NCOA5: variants seen among roughly 807,000 people sequenced by gnomAD.
The protein encoded by NCOA5 is NCoA-5.
Under a neutral mutation model 59.0 loss-of-function variants are expected in NCOA5, and 12 were observed. The observed-to-expected ratio is 0.20, with a 90% CI of 0.13 to 0.33. The LOEUF (loss-of-function observed/expected upper bound fraction) is 0.33. Ranked by LOEUF, NCOA5 falls within the 10% of genes least tolerant of loss-of-function variation. NCOA5 has a pLI of 1.00. For synonymous variants in NCOA5, 270 were observed against 275.5 expected, an observed-to-expected ratio of 0.98 and a Z score of 0.20; for missense variants, 655 against 766.6, an observed-to-expected ratio of 0.85 and a Z score of 1.72.
At chr20:46,085,464 AGAG>A (rs1179578529) in intron 1 of NCOA5, among the ~76,000 whole-genome samples, 1 of 151,854 alleles carries the variant, frequency 6.6e-6, no homozygotes, top group African/African-American at 2.4e-5. Context: ...AACAGAGCAG[AGAG>A]GAGACTAGGA....
chr20:46,062,089 C>T lies in NCOA5; in HGVS notation c.*211G>A, dbSNP rs1330122391. 1 of 471,190 alleles carries T rather than the reference C, an allele frequency of 2.1e-6. No homozygotes were observed. Among genetic ancestry groups the T allele is most frequent in the Non-Finnish European group, 3.7e-6 (1 of 268,328 alleles). The allele number at this position is 471,190 out of a possible 1,614,324, so 29.2% of individuals were successfully genotyped here. Reference sequence around the variant, plus strand: ...TATTTATTTTCTACAAAACAAAAAACAAAAAAAGATACAGCCCCAAATGCA... The same window carrying T: ...TATTTATTTTCTACAAAACAAAAAATAAAAAAAGATACAGCCCCAAATGCA... On this transcript the variant is annotated 3_prime_UTR_variant, in exon 8 of 8. Coordinates refer to ENST00000290231, the MANE Select transcript of NCOA5 (RefSeq NM_020967.3).
At chr20:46,082,382 T>C (rs1012253154) in intron 1 of NCOA5, among the ~76,000 whole-genome samples, 5 of 152,092 alleles carry the variant, frequency 3.3e-5, no homozygotes, top group Non-Finnish European at 5.9e-5. Flanking sequence ...GAAAGACAAT[T>C]TGGAGATCTT....
At chr20:46,080,752 A>T (rs2084984052) in intron 1 of NCOA5, among the ~76,000 whole-genome samples, 3 of 152,128 alleles carry the variant, frequency 2.0e-5, no homozygotes, top group Admixed American at 2.0e-4. Flanking sequence ...AGTATATCTT[A>T]AATTGATTCT....
chr20:46,066,993 A>G (rs2145526334), intron 5 of NCOA5, 62 bp downstream of exon 5: 1 of 1,584,348 alleles, frequency 6.3e-7, no homozygotes. Flanking sequence ...GAGGTGCTAA[A>G]CAGGAGCCTG....
In NCOA5 at chr20:46,062,909, G is replaced by A; in HGVS notation, c.1151-20C>T. On this transcript the variant is annotated intron_variant, in intron 7 of 7. Transcript: ENST00000290231. ...TCGGGCCTGGAAGACAGAAGAGGGA[G>A]GTATCTGGTTCAAAGTACCCCCCAA... is the stretch of plus-strand genomic sequence containing the variant. 1.3e-6 allele frequency: 2 copies of A among 1,509,480 alleles called. No individual in the cohort carries two copies. The highest frequency in any genetic ancestry group is 1.8e-6 in the Non-Finnish European group (2 of 1,133,732). The allele number at this position is 1,509,480 out of a possible 1,614,324, so 93.5% of individuals were successfully genotyped here.
chr20:46,069,760 G>C (rs2084862336), intron 3 of NCOA5, among the ~76,000 whole-genome samples: 1 of 151,842 alleles, frequency 6.6e-6, no homozygotes, highest in South Asian at 2.1e-4. Context: ...CCATTAATCT[G>C]CTGATAGACA....
intron 5 of NCOA5, among the ~76,000 whole-genome samples, chr20:46,065,529 T>C (rs1287195769): frequency 1.3e-5 from 2 of 152,182 alleles, no homozygotes; most frequent in African/African-American, 4.8e-5. Flanking sequence ...GTGGCACTTA[T>C]CTCTTTTTGG....
At chr20:46,065,397 C>G (rs2084812831) in intron 5 of NCOA5, among the ~76,000 whole-genome samples, 169 bp from the exon 6 acceptor site, 1 of 152,162 alleles carries the variant, frequency 6.6e-6, no homozygotes, top group Non-Finnish European at 1.5e-5. Context: ...TGGCTCAGAA[C>G]GGTTGTGACT....
chr20:46,067,840 GC>G (rs914031770), intron 4 of NCOA5, among the ~76,000 whole-genome samples: 2 of 151,932 alleles, frequency 1.3e-5, no homozygotes, highest in Non-Finnish European at 2.9e-5. Flanking sequence ...AACCTATTTT[GC>G]CTAGATAATG....
intron 2 of NCOA5, among the ~76,000 whole-genome samples, chr20:46,073,099 G>A (rs1222181363): frequency 6.6e-6 from 1 of 152,202 alleles, no homozygotes; most frequent in African/African-American, 2.4e-5. Context: ...TAGGAGTTCA[G>A]TAAATGTTTA....
At position 46,061,442 on chromosome 20, in the gene NCOA5, G is replaced by A. The variant is rs2084761387; in HGVS notation, c.*858C>T. On this transcript the variant is annotated 3_prime_UTR_variant, in exon 8 of 8. Transcript: ENST00000290231. ...AGAGTCTAGACAAAAACAAGAGCCT[G>A]GGGTTTTGAGCCAAAAGCCCAAAAC... is the stretch of plus-strand genomic sequence containing the variant. 2 of 152,556 alleles carry A rather than the reference G, an allele frequency of 1.3e-5. No homozygotes were observed. Among genetic ancestry groups the A allele is most frequent in the Admixed American group, 1.3e-4 (2 of 15,274 alleles). 9.5% of individuals were successfully genotyped at this position (152,556 alleles called of 1,614,324 possible).
At chr20:46,072,710 A>G (rs2084895897) in intron 2 of NCOA5, among the ~76,000 whole-genome samples, 1 of 152,256 alleles carries the variant, frequency 6.6e-6, no homozygotes, top group Admixed American at 6.5e-5. Context: ...TCCAGGTCTC[A>G]GCATATAAAT....
In NCOA5 at chr20:46,062,621, A is replaced by C. The variant is rs375971109; in HGVS notation, c.1419T>G (p.Pro473=). Reference sequence around the variant, plus strand: ...TGCCAGAAGCCTGTGATCTTTGTTGAGGCTGGCTGTTTGCTGCTGTGGAAA... The same window carrying C: ...TGCCAGAAGCCTGTGATCTTTGTTGCGGCTGGCTGTTTGCTGCTGTGGAAA... ...QNFSTAANSQ[P]QQRSQASGNQ... is the part of the protein sequence containing the mutation. The change falls in exon 8 of 8, where the codon CCT becomes CCG. Residue 473 remains proline, a synonymous_variant. Coordinates refer to ENST00000290231, the MANE Select transcript of NCOA5 (RefSeq NM_020967.3). 10 of 1,614,016 alleles carry C rather than the reference A, an allele frequency of 6.2e-6. No individual in the cohort carries two copies. In the African/African-American group the frequency reaches 1.3e-4, roughly 22 times the overall value.
intron 2 of NCOA5, among the ~76,000 whole-genome samples, chr20:46,072,084 C>T (rs1779662822): frequency 6.6e-6 from 1 of 152,186 alleles, no homozygotes; most frequent in Non-Finnish European, 1.5e-5. Flanking sequence ...AAAGCCTCAT[C>T]CTCCCTTCCA....
chr20:46,065,283 G>GT, intron 5 of NCOA5, 55 bp from the exon 6 acceptor site: 1 of 1,561,484 alleles, frequency 6.4e-7, no homozygotes. Flanking sequence ...TGCATCGTGT[G>GT]TCTCAAGCCA....
intron 1 of NCOA5, 76 bp from the exon 2 acceptor site, chr20:46,079,529 C>T: frequency 8.2e-7 from 1 of 1,218,444 alleles, no homozygotes; most frequent in Non-Finnish European, 1.2e-6. Flanking sequence ...CAAATGAAAG[C>T]AACAACAACA....
At chr20:46,074,141 A>G (rs549769448) in intron 2 of NCOA5, among the ~76,000 whole-genome samples, 2 of 152,338 alleles carry the variant, frequency 1.3e-5, no homozygotes, top group Admixed American at 1.3e-4. Flanking sequence ...AGACGAAAAC[A>G]AAACAAAAAA....
At chr20:46,070,052 T>G (rs16991048) in intron 3 of NCOA5, among the ~76,000 whole-genome samples, 158 bp downstream of exon 3, 2 of 152,194 alleles carry the variant, frequency 1.3e-5, no homozygotes, top group Admixed American at 1.3e-4. Context: ...ATTCATACAT[T>G]CAGCAAAATT....
chr20:46,062,540 T>TA lies in NCOA5; in HGVS notation c.1499_1500insT (p.Arg500SerfsTer21). 1 of 1,614,038 alleles carries TA rather than the reference T, an allele frequency of 6.2e-7. No homozygotes were observed. The highest frequency in any genetic ancestry group is 8.5e-7 in the Non-Finnish European group (1 of 1,179,990). On this transcript the variant is annotated frameshift_variant, in exon 8 of 8. Transcript: ENST00000290231. LOFTEE classifies it high-confidence loss of function. ...AAAGCCCTTGGGAAGGAGCCCCAGG[T>TA]CTGGGGCCCATGTTCTGAGCAGATC...
Sources: gnomAD v4.1 joint callset for allele counts (sites outside exome capture counted in the v4.1 genomes callset) on GRCh38, gnomAD v4.1.1 for gene constraint, MANE v1.5 for transcripts, NCBI Gene and HGNC (gene_info 2026-07-23, HGNC 2026-07-21) for gene names.